ADGRF5: variants seen among roughly 807,000 people sequenced by gnomAD.
ADGRF5 encodes the protein G-protein coupled receptor 116.
Under a neutral mutation model 132.3 loss-of-function variants are expected in ADGRF5, and 75 were observed. That is an observed-to-expected ratio of 0.57 (90% CI 0.47 to 0.69). The LOEUF is 0.69. ADGRF5 is among the 30% of genes least tolerant of loss of function. The pLI is 0.00. For missense variants in ADGRF5, 1,516 were observed against 1,630.6 expected, an observed-to-expected ratio of 0.93 and a Z score of 1.21; for synonymous variants, 629 against 597.6, an observed-to-expected ratio of 1.05 and a Z score of -0.77.
chr6:46,905,502 T>G (rs1425821729), intron 2 of ADGRF5: 1 of 152,036 alleles, frequency 6.6e-6, no homozygotes, highest in Admixed American at 6.6e-5. Flanking sequence ...TTATACAAAT[T>G]TACTTGCTCA....
chr6:46,941,470 G>GAAAA (rs1778083755), intron 1 of ADGRF5, among the ~76,000 whole-genome samples: 1 of 107,876 alleles, frequency 9.3e-6, no homozygotes, highest in South Asian at 3.3e-4. Flanking sequence ...AGAAAAGAAA[G>GAAAA]AAAAGAAAAG....
chr6:46,888,566 A>G (rs1773297500), intron 3 of ADGRF5, 61 bp from the exon 4 acceptor site: 1 of 1,171,790 alleles, frequency 8.5e-7, no homozygotes, highest in African/African-American at 1.5e-5. Flanking sequence ...TAAGATCATG[A>G]TGGATATTTC....
In ADGRF5 at chr6:46,882,013, C is replaced by T. The variant is rs779778534; in HGVS notation, c.671+36G>A. ...CCTTCACTACCATATGGATCCCAGC[C>T]ATAAATTAGAAATGATCAAATTAAA... On this transcript the variant is annotated intron_variant, in intron 7 of 20. Transcript: ENST00000283296. 16 of 1,438,488 alleles carry T rather than the reference C, an allele frequency of 1.1e-5. No homozygotes were observed. In the East Asian group the frequency reaches 3.4e-4, roughly 31 times the overall value. 89.1% of individuals were successfully genotyped at this position (1,438,488 alleles called of 1,614,324 possible). A position where few individuals can be genotyped will look rare whatever the true frequency, so the allele number is the denominator to read the frequency against.
rs1020599677 is a variant in ADGRF5, at chr6:46,878,424, A to C, written c.1037-19T>G. The C allele has an allele frequency of 1.4e-6, 2 of 1,384,444 alleles. No homozygotes were observed. The highest frequency in any genetic ancestry group is 1.4e-5 in the African/African-American group (1 of 70,390). The allele number at this position is 1,384,444 out of a possible 1,614,324, so 85.8% of individuals were successfully genotyped here. A position where few individuals can be genotyped will look rare whatever the true frequency, so the allele number is the denominator to read the frequency against. On this transcript the variant is annotated intron_variant, in intron 9 of 20. Coordinates refer to ENST00000283296, the MANE Select transcript of ADGRF5 (RefSeq NM_001098518.2). ...TATTCACCTGCATAAAATACACAAA[A>C]TCATGTATTATTATAACACATGTGT...
chr6:46,859,823 T>TATTTTATTTTATTTTA (rs2150782930), intron 16 of ADGRF5, among the ~76,000 whole-genome samples: 2 of 148,676 alleles, frequency 1.3e-5, no homozygotes, highest in South Asian at 4.2e-4. Flanking sequence ...TTTACTATTT[T>TATTTTATTTTATTTTA]ATTTTATTTT....
At chr6:46,917,335 A>T (rs925712873) in intron 1 of ADGRF5, among the ~76,000 whole-genome samples, 1 of 152,108 alleles carries the variant, frequency 6.6e-6, no homozygotes, top group Admixed American at 6.5e-5. Flanking sequence ...TCAGCTACTC[A>T]TCTGGTCCTG....
intron 4 of ADGRF5, among the ~76,000 whole-genome samples, chr6:46,886,185 C>T (rs563092983): frequency 6.6e-6 from 1 of 152,300 alleles, no homozygotes; most frequent in East Asian, 1.9e-4. Context: ...CACAGAGTGA[C>T]TATCCAAAGG....
intron 10 of ADGRF5, among the ~76,000 whole-genome samples, chr6:46,872,419 T>A (rs541260592): frequency 2.6e-5 from 4 of 152,096 alleles, no homozygotes; most frequent in Admixed American, 2.6e-4. Flanking sequence ...ATGTGAACAA[T>A]AAAAAAAGAG....
intron 4 of ADGRF5, among the ~76,000 whole-genome samples, chr6:46,885,247 C>A (rs368470918): frequency 6.7e-5 from 10 of 149,110 alleles, no homozygotes; most frequent in South Asian, 2.2e-4. Context: ...AAAGAAAAAA[C>A]AGAATTTTTT....
chr6:46,870,851 T>A (rs1460969501), intron 11 of ADGRF5: 7 of 447,684 alleles, frequency 1.6e-5, no homozygotes, highest in South Asian at 9.6e-5. Context: ...GAAGAGCTCA[T>A]GAGTATTTTG....
At position 46,931,421 on chromosome 6, in the gene ADGRF5, G is replaced by A. The variant is rs1458580884; in HGVS notation, c.-25+23313C>T. ...CTTCTGCATCACAGCAGCTCTCAGG[G>A]AGCTCCCTCAGTCTCCAGGTTGCCA... On this transcript the variant is annotated intron_variant, in intron 1 of 20. Coordinates refer to the ADGRF5 transcript ENST00000265417. Among the ~76,000 whole-genome samples, 3 of 152,146 alleles carry A rather than the reference G, an allele frequency of 2.0e-5. No homozygotes were observed. The East Asian group carries it at 5.8e-4, about 29-fold the overall frequency.
In ADGRF5 at chr6:46,950,737, T is replaced by A. The variant is rs114136323; in HGVS notation, c.-25+3997A>T. On this transcript the variant is annotated intron_variant, in intron 1 of 20. Coordinates refer to the ADGRF5 transcript ENST00000265417. ...ACCGTGTTAGCCAGGAAGGTCTCGA[T>A]CTCTTGACTTCGTGATCCGCTCACC... 2.7e-3 allele frequency among the ~76,000 whole-genome samples: 416 copies of A among 152,250 alleles called. 2 individuals are homozygous for A. The highest frequency in any genetic ancestry group is 9.4e-3 in the African/African-American group (390 of 41,540).
intron 3 of ADGRF5, among the ~76,000 whole-genome samples, chr6:46,896,215 C>T (rs1164812188): frequency 6.6e-6 from 1 of 152,140 alleles, no homozygotes; most frequent in Non-Finnish European, 1.5e-5. Flanking sequence ...GGCAGCCGCT[C>T]AGCTGATCCA....
chr6:46,884,277 G>A lies in ADGRF5; in HGVS notation c.329-6C>T, dbSNP rs756286752. On this transcript the variant is annotated splice_polypyrimidine_tract_variant and splice_region_variant and intron_variant, in intron 4 of 20. Coordinates refer to ENST00000283296, the MANE Select transcript of ADGRF5 (RefSeq NM_001098518.2). ...ATTTCCAGCAGGTCTGCAGACTATC[G>A]TTAATCAGAACAGCAAGGAGAGAGA... 2.1e-5 allele frequency: 34 copies of A among 1,610,084 alleles called. No individual in the cohort carries two copies. The highest frequency in any genetic ancestry group is 2.0e-4 in the East Asian group (9 of 44,780).
At chr6:46,883,425 T>C (rs1419440641) in intron 6 of ADGRF5, 134 bp downstream of exon 6, 3 of 632,760 alleles carry the variant, frequency 4.7e-6, no homozygotes, top group Admixed American at 3.3e-5. Flanking sequence ...TAATTCACCA[T>C]CTCAGATGTA....
chr6:46,899,816 G>A (rs1390668517), intron 3 of ADGRF5, among the ~76,000 whole-genome samples: 1 of 151,916 alleles, frequency 6.6e-6, no homozygotes, highest in Non-Finnish European at 1.5e-5. Flanking sequence ...CAATGGGGAG[G>A]GAAGGAGGGT....
chr6:46,889,143 T>G (rs1343024863), intron 3 of ADGRF5, among the ~76,000 whole-genome samples: 3 of 150,060 alleles, frequency 2.0e-5, no homozygotes, highest in Non-Finnish European at 4.4e-5. Flanking sequence ...CACAGCTACA[T>G]CAGGCAGGCT....
At chr6:46,930,565 A>G (rs1395529936) in intron 1 of ADGRF5, among the ~76,000 whole-genome samples, 53 of 152,330 alleles carry the variant, frequency 3.5e-4, no homozygotes, top group Non-Finnish European at 1.5e-5. Flanking sequence ...GCAGTTATTT[A>G]TGGGCTGGCA....
In ADGRF5 at chr6:46,906,803, A is replaced by T; in HGVS notation, c.-24-17T>A. On this transcript the variant is annotated splice_polypyrimidine_tract_variant and intron_variant, in intron 1 of 20. Transcript: ENST00000283296. ...TTGGTTGGCCTGAAATGGAAATATG[A>T]TGGTTTAGATATACAGCAATTTATT... 1.0e-6 allele frequency: 1 copy of T among 996,462 alleles called. No homozygotes were observed. The highest frequency in any genetic ancestry group is 2.4e-5 in the East Asian group (1 of 42,058). 61.7% of individuals were successfully genotyped at this position (996,462 alleles called of 1,614,324 possible).
Sources: allele counts gnomAD v4.1 joint callset (sites outside exome capture counted in the v4.1 genomes callset), GRCh38; gene constraint gnomAD v4.1.1; transcripts MANE v1.5; gene names NCBI Gene and HGNC (gene_info 2026-07-23, HGNC 2026-07-21).